ADAMTS17: variants seen among roughly 807,000 people sequenced by gnomAD.
The protein encoded by ADAMTS17 is ADAM metallopeptidase with thrombospondin type 1 motif 17.
Under a neutral mutation model 141.5 loss-of-function variants are expected in ADAMTS17, and 113 were observed. The ratio of observed to expected loss-of-function variants is 0.80; its 90% CI spans 0.69 to 0.93. The LOEUF (loss-of-function observed/expected upper bound fraction) is 0.93. Among genes scored for constraint, ADAMTS17 ranks in the 40% least tolerant of loss-of-function variants. The pLI is 0.00. For synonymous variants in ADAMTS17, 768 were observed against 630.6 expected (o/e 1.22, Z -3.27); for missense variants, 1,659 against 1,517.9 (o/e 1.09, Z -1.54).
intron 4 of ADAMTS17, among the ~76,000 whole-genome samples, chr15:100,272,555 GA>G (rs1258267949): frequency 1.6e-5 from 2 of 125,828 alleles, no homozygotes; most frequent in Non-Finnish European, 3.5e-5. Flanking sequence ...ACTTTGCAAA[GA>G]ATTTATTAGC....
intron 14 of ADAMTS17, among the ~76,000 whole-genome samples, chr15:100,100,465 G>A (rs377625280): frequency 2.6e-5 from 4 of 152,192 alleles, no homozygotes; most frequent in South Asian, 2.1e-4. Context: ...CTTTCAATGC[G>A]ACAGCTTCTC....
chr15:100,122,184 G>A lies in ADAMTS17; in HGVS notation c.1722-5171C>T, dbSNP rs533488307. Among the ~76,000 whole-genome samples, 4 of 152,270 alleles carry A rather than the reference G, an allele frequency of 2.6e-5. No individual in the cohort carries two copies. In the South Asian group the frequency reaches 6.2e-4, roughly 24 times the overall value. ...GACCTAAAGACACAGGATGCTACCT[G>A]CTTCTGCTCTTCCTGTATTCTTTAG... On this transcript the variant is annotated intron_variant, in intron 12 of 21. Coordinates refer to ENST00000268070, the MANE Select transcript of ADAMTS17 (RefSeq NM_139057.4).
chr15:100,076,448 A>G (rs966408392), intron 15 of ADAMTS17, among the ~76,000 whole-genome samples: 7 of 152,330 alleles, frequency 4.6e-5, no homozygotes, highest in African/African-American at 1.7e-4. Flanking sequence ...TTTTGCCAAG[A>G]TTTTTAAAAA....
At chr15:100,091,522 G>T (rs1034946402) in intron 15 of ADAMTS17, among the ~76,000 whole-genome samples, 3 of 152,204 alleles carry the variant, frequency 2.0e-5, no homozygotes, top group African/African-American at 7.2e-5. Flanking sequence ...GAACTTCAAA[G>T]TGATGTTGAC....
chr15:100,052,609 C>G (rs1057181784), intron 16 of ADAMTS17, among the ~76,000 whole-genome samples: 5 of 152,196 alleles, frequency 3.3e-5, no homozygotes, highest in Non-Finnish European at 7.4e-5. Context: ...AATTCTCATG[C>G]TAACAGGTGA....
intron 3 of ADAMTS17, among the ~76,000 whole-genome samples, chr15:100,297,963 C>T (rs552947079): frequency 1.3e-5 from 2 of 152,086 alleles, no homozygotes; most frequent in African/African-American, 4.8e-5. Flanking sequence ...GGCTGCGTGG[C>T]GTCTCCAACA....
intron 13 of ADAMTS17, among the ~76,000 whole-genome samples, chr15:100,110,825 G>A (rs1436614180): frequency 6.6e-6 from 1 of 152,098 alleles, no homozygotes; most frequent in African/African-American, 2.4e-5. Flanking sequence ...CTTCTGAGCC[G>A]ACCTGGCCTC....
At chr15:100,096,728 T>C (rs1216401367) in intron 14 of ADAMTS17, among the ~76,000 whole-genome samples, 2 of 148,852 alleles carry the variant, frequency 1.3e-5, no homozygotes, top group Non-Finnish European at 3.0e-5. Flanking sequence ...TGGAGGGAGA[T>C]CCATGAAGGC....
At chr15:100,046,909 G>T (rs1187089239) in intron 18 of ADAMTS17, among the ~76,000 whole-genome samples, 3 of 152,312 alleles carry the variant, frequency 2.0e-5, no homozygotes, top group East Asian at 1.9e-4. Context: ...AACATTCAGG[G>T]AACAAGAGAG....
intron 3 of ADAMTS17, among the ~76,000 whole-genome samples, chr15:100,304,337 T>G (rs1234023956): frequency 6.6e-6 from 1 of 152,206 alleles, no homozygotes; most frequent in Non-Finnish European, 1.5e-5. Flanking sequence ...TTCTTTTGAG[T>G]AGCCCGTTTT....
chr15:100,049,091 G>T, intron 17 of ADAMTS17, 99 bp from the exon 18 acceptor site: 1 of 1,559,828 alleles, frequency 6.4e-7, no homozygotes, highest in Non-Finnish European at 8.8e-7. Context: ...TGCTGCTGAT[G>T]GTCACTTGGT....
intron 15 of ADAMTS17, among the ~76,000 whole-genome samples, chr15:100,068,547 G>A (rs1178444228): frequency 6.6e-6 from 1 of 152,186 alleles, no homozygotes; most frequent in Admixed American, 6.5e-5. Flanking sequence ...ATCCCTCTGA[G>A]ACAAAACTTC....
chr15:100,139,805 G>T (rs988495065), intron 10 of ADAMTS17, among the ~76,000 whole-genome samples: 1 of 152,176 alleles, frequency 6.6e-6, no homozygotes, highest in Non-Finnish European at 1.5e-5. Context: ...AAAAGGAAAG[G>T]CTGAGGAACT....
At chr15:100,308,144 T>C (rs1156702294) in intron 3 of ADAMTS17, among the ~76,000 whole-genome samples, 1 of 152,132 alleles carries the variant, frequency 6.6e-6, no homozygotes, top group Non-Finnish European at 1.5e-5. Context: ...CAAAACATCA[T>C]ACCCCTGGAG....
At chr15:100,161,360 A>G (rs1232752010) in intron 8 of ADAMTS17, among the ~76,000 whole-genome samples, 2 of 152,118 alleles carry the variant, frequency 1.3e-5, no homozygotes, top group South Asian at 2.1e-4. Context: ...TTTTGATGTC[A>G]GGTGTAGGCG....
intron 17 of ADAMTS17, 135 bp from the exon 18 acceptor site, chr15:100,049,127 C>T: frequency 7.4e-7 from 1 of 1,355,822 alleles, no homozygotes; most frequent in Non-Finnish European, 1.0e-6. Context: ...CTGTAAATGT[C>T]ATGTGGGTTT....
chr15:100,321,275 C>T (rs2045726071), intron 3 of ADAMTS17, among the ~76,000 whole-genome samples: 1 of 151,544 alleles, frequency 6.6e-6, no homozygotes, highest in African/African-American at 2.4e-5. Context: ...CCAATAGAAA[C>T]AAACAAACAA....
At chr15:100,050,658 T>A (rs1418305276) in intron 17 of ADAMTS17, among the ~76,000 whole-genome samples, 1 of 152,160 alleles carries the variant, frequency 6.6e-6, no homozygotes, top group East Asian at 1.9e-4. Context: ...CTAACAAAAG[T>A]TATCCAAGCA....
At chr15:100,291,305 T>C (rs916064091) in intron 3 of ADAMTS17, among the ~76,000 whole-genome samples, 2 of 152,210 alleles carry the variant, frequency 1.3e-5, no homozygotes, top group African/African-American at 4.8e-5. Context: ...AGATACCATC[T>C]CATACCAGTT....
Sources: allele counts gnomAD v4.1 joint callset (sites outside exome capture counted in the v4.1 genomes callset), GRCh38; gene constraint gnomAD v4.1.1; transcripts MANE v1.5; gene names NCBI Gene and HGNC (gene_info 2026-07-23, HGNC 2026-07-21).